The following KCNN1 variants were observed in gnomAD, a reference collection of about 807,000 sequenced individuals.
The protein encoded by KCNN1 is small conductance calcium-activated potassium channel protein 1.
A neutral mutation model predicts 44.7 loss-of-function variants in KCNN1; 20 were observed. The ratio of observed to expected loss-of-function variants is 0.45; its 90% CI spans 0.32 to 0.65. KCNN1 has a LOEUF of 0.65. Ranked by LOEUF, KCNN1 falls within the 30% of genes least tolerant of loss-of-function variation. The pLI, the probability that KCNN1 is intolerant of heterozygous loss-of-function variation, is 0.05. For missense variants in KCNN1, 632 were observed against 785.3 expected (o/e 0.80, Z 2.33); for synonymous variants, 324 against 341.7 (o/e 0.95, Z 0.57).
chr19:17,989,195 C>T (rs1177217774), intron 6 of KCNN1, among the ~76,000 whole-genome samples: 4 of 152,156 alleles, frequency 2.6e-5, no homozygotes, highest in Admixed American at 6.6e-5. Context: ...CGGTGGCTCA[C>T]GCCTGTAATC....
At chr19:17,962,297 C>T (rs2031700584), upstream of KCNN1, among the ~76,000 whole-genome samples, 1 of 152,102 alleles carries the variant, frequency 6.6e-6, no homozygotes, top group Non-Finnish European at 1.5e-5. Flanking sequence ...CCCAGGCTCC[C>T]ACTTCCTGCT....
chr19:17,992,609 C>A (rs2032833426), intron 7 of KCNN1, among the ~76,000 whole-genome samples: 1 of 151,996 alleles, frequency 6.6e-6, no homozygotes, highest in African/African-American at 2.4e-5. Context: ...TCAAAAAAAA[C>A]AAAGGGATGG....
intron 4 of KCNN1, among the ~76,000 whole-genome samples, chr19:17,982,996 C>T (rs1375184298): frequency 4.1e-5 from 6 of 146,308 alleles, no homozygotes; most frequent in South Asian, 2.2e-4. Flanking sequence ...GCTGAGATTG[C>T]GCCACTGCAC....
chr19:17,968,090 G>C (rs897545815), intron 1 of KCNN1, among the ~76,000 whole-genome samples: 3 of 141,486 alleles, frequency 2.1e-5, no homozygotes, highest in Admixed American at 7.1e-5. Flanking sequence ...GAAGGGAGGG[G>C]TGGGGGTGGT....
Position 17,969,684 on chromosome 19 carries a change from G to A in KCNN1, c.-82+2367G>A, listed in dbSNP as rs111304115. Among the ~76,000 whole-genome samples the A allele has an allele frequency of 7.7e-3, 1,178 of 152,344 alleles. 7 individuals carry two copies. The highest frequency in any genetic ancestry group is 0.026 in the African/African-American group (1,072 of 41,582). ...CCCCAAATTGCATCTTCATTGGTGCGTTTCGGAAGGTCGTTTGCAGAGGCC... is the reference window on the plus strand; with the variant it reads ...CCCCAAATTGCATCTTCATTGGTGCATTTCGGAAGGTCGTTTGCAGAGGCC... On this transcript the variant is annotated intron_variant, in intron 1 of 9. Transcript: ENST00000684775.
chr19:17,958,774 T>C (rs1163185684), intron 2 of KCNN1, among the ~76,000 whole-genome samples: 3 of 151,544 alleles, frequency 2.0e-5, no homozygotes, highest in Non-Finnish European at 4.4e-5. Context: ...CTCGGCTCAC[T>C]GCAAGTTCTG....
At chr19:17,984,971 C>T (rs2032545013) in intron 4 of KCNN1, among the ~76,000 whole-genome samples, 1 of 152,090 alleles carries the variant, frequency 6.6e-6, no homozygotes, top group South Asian at 2.1e-4. Flanking sequence ...GGTGTCTGTC[C>T]TGAATTCTTG....
At position 17,989,856 on chromosome 19, in the gene KCNN1, C is replaced by A. The variant is rs1414707318; in HGVS notation, c.1298+13C>A. On this transcript the variant is annotated intron_variant, in intron 7 of 9. Coordinates refer to ENST00000684775, the MANE Select transcript of KCNN1 (RefSeq NM_001386974.1). ...AAGCCATCCATCAGTAAGTCCAGCA[C>A]CTTTCCAGCTCACGTTTCTGTGTCC... The A allele has an allele frequency of 6.2e-7, 1 of 1,611,906 alleles. No individual in the cohort carries two copies. The highest frequency in any genetic ancestry group is 1.3e-5 in the African/African-American group (1 of 74,778).
At chr19:17,973,363 C>T (rs2032088627) in intron 1 of KCNN1, among the ~76,000 whole-genome samples, 1 of 152,186 alleles carries the variant, frequency 6.6e-6, no homozygotes, top group South Asian at 2.1e-4. Flanking sequence ...TCACTACAGC[C>T]TCTGCTTCCT....
At chr19:17,953,822 TG>T (rs1459530503) in intron 1 of KCNN1, among the ~76,000 whole-genome samples, 1 of 152,032 alleles carries the variant, frequency 6.6e-6, no homozygotes, top group African/African-American at 2.4e-5. Flanking sequence ...CCAAGCTACT[TG>T]GGGGCCGAAG....
intron 2 of KCNN1, among the ~76,000 whole-genome samples, chr19:17,958,626 A>G (rs1191933557): frequency 6.6e-6 from 1 of 151,700 alleles, no homozygotes; most frequent in African/African-American, 2.4e-5. Flanking sequence ...GCTTGGGACT[A>G]TAGATAGGTG....
At chr19:17,970,877 G>A (rs545870590) in intron 1 of KCNN1, among the ~76,000 whole-genome samples, 121 of 151,386 alleles carry the variant, frequency 8.0e-4, no homozygotes, top group African/African-American at 2.6e-3. Flanking sequence ...CAACTCAGCA[G>A]TGTAGCTCAT....
chr19:17,966,412 G>T (rs1376450521), upstream of KCNN1, among the ~76,000 whole-genome samples: 1 of 152,220 alleles, frequency 6.6e-6, no homozygotes, highest in Non-Finnish European at 1.5e-5. Flanking sequence ...TTGAATGAAT[G>T]AGTCGGCCAA....
chr19:17,964,438 C>A (rs1418687819), upstream of KCNN1, among the ~76,000 whole-genome samples: 1 of 152,256 alleles, frequency 6.6e-6, no homozygotes, highest in Non-Finnish European at 1.5e-5. This position sits in a 1 kb window ranked among gnomAD's most constrained non-coding sequence, Gnocchi z 4.3. Flanking sequence ...CCTCAGGCCC[C>A]CTGCGGAGGG....
At chr19:17,967,431 G>A (rs2031852991) in intron 1 of KCNN1, 114 bp downstream of exon 1, 2 of 422,826 alleles carry the variant, frequency 4.7e-6, no homozygotes, top group South Asian at 2.0e-4. Flanking sequence ...GGCCAAGAGG[G>A]AGGGTCTCCG....
rs375831564 is a variant in KCNN1, at chr19:17,998,086, C to T, written c.1378-66C>T. 69 of 1,463,176 alleles carry T rather than the reference C, an allele frequency of 4.7e-5. No homozygotes were observed. The highest frequency in any genetic ancestry group is 4.2e-4 in the East Asian group (17 of 40,294). The allele number at this position is 1,463,176 out of a possible 1,614,324, so 90.6% of individuals were successfully genotyped here. ...GGCTGTCCCTCTCTGTCATTGGTGT[C>T]GTGGTATCGTCCTTTCCTCTCTCAC... is the stretch of plus-strand genomic sequence containing the variant. On this transcript the variant is annotated intron_variant, in intron 9 of 9. Transcript: ENST00000684775. This position sits in a 1 kb window ranked among gnomAD's most constrained non-coding sequence, Gnocchi z 5.4.
At chr19:17,980,027 C>T (rs1222865667) in intron 3 of KCNN1, among the ~76,000 whole-genome samples, 1 of 151,032 alleles carries the variant, frequency 6.6e-6, no homozygotes, top group Non-Finnish European at 1.5e-5. Context: ...CAGAGCGAGT[C>T]CCCATCTCTG....
rs1157063638 is a variant in KCNN1 at position 17,967,294 on chromosome 19, G to A, written c.-105G>A. 1 of 985,300 alleles carries A rather than the reference G, an allele frequency of 1.0e-6. No individual in the cohort carries two copies. The highest frequency in any genetic ancestry group is 1.2e-6 in the Non-Finnish European group (1 of 829,826). 61.0% of individuals were successfully genotyped at this position (985,300 alleles called of 1,614,324 possible). A position where few individuals can be genotyped will look rare whatever the true frequency, so the allele number is the denominator to read the frequency against. The stretch of plus-strand genomic sequence containing the variant: ...GACCCTCTCCCCTCCAGCCTTGTCC[G>A]CCCGCTCGGGCCGAGCCCCGCAGGT... On this transcript the variant is annotated 5_prime_UTR_variant, in exon 1 of 10. Transcript: ENST00000684775.
chr19:17,981,552 CAA>C (rs71164338), intron 3 of KCNN1, among the ~76,000 whole-genome samples, 155 bp from the exon 4 acceptor site: 23 of 89,984 alleles, frequency 2.6e-4, no homozygotes, highest in Non-Finnish European at 3.2e-4. Context: ...AACTCCATCT[CAA>C]AAAAAAAAAA....
Sources: allele counts gnomAD v4.1 joint callset (sites outside exome capture counted in the v4.1 genomes callset), GRCh38; gene constraint gnomAD v4.1.1; non-coding constraint Gnocchi (gnomAD v3.1); transcripts MANE v1.5; gene names NCBI Gene and HGNC (gene_info 2026-07-23, HGNC 2026-07-21).